The following DHRSX variants were observed in gnomAD, a reference collection of about 807,000 sequenced individuals.
DHRSX encodes dehydrogenase/reductase X-linked.
A neutral mutation model predicts 34.0 loss-of-function variants in DHRSX; 31 were observed. That is an observed-to-expected ratio of 0.91 (90% CI 0.69 to 1.23). The LOEUF (loss-of-function observed/expected upper bound fraction) is 1.23, where lower values mean the gene tolerates loss of function less well. Among genes scored for constraint, DHRSX ranks in the 50% most tolerant of loss-of-function variants. DHRSX has a pLI of 0.00. For synonymous variants in DHRSX, 201 were observed against 183.8 expected (o/e 1.09, Z -0.76); for missense variants, 414 against 428.1 (o/e 0.97, Z 0.29).
chrX:2,260,074 CTCCGGGCA>C, intron 5 of DHRSX, among the ~76,000 whole-genome samples: 1 of 151,714 alleles, frequency 6.6e-6, no homozygotes, highest in Middle Eastern at 3.4e-3. Flanking sequence ...CTCCTGGGGG[CTCCGGGCA>C]TCCCTGACCC....
intron 1 of DHRSX, among the ~76,000 whole-genome samples, chrX:2,461,519 CA>C (rs1391309767): frequency 2.0e-5 from 3 of 152,186 alleles, no homozygotes; most frequent in Non-Finnish European, 4.4e-5. Context: ...AGAACAAGCA[CA>C]ACTTCTGCTT....
At chrX:2,492,701 T>C (rs2045184152) in intron 1 of DHRSX, among the ~76,000 whole-genome samples, 1 of 140,748 alleles carries the variant, frequency 7.1e-6, no homozygotes, top group Admixed American at 7.1e-5. Flanking sequence ...ATGATGTGGC[T>C]GGCCTGAAGC....
intron 1 of DHRSX, among the ~76,000 whole-genome samples, chrX:2,453,732 A>C (rs1349061986): frequency 6.6e-6 from 1 of 151,970 alleles, no homozygotes; most frequent in Non-Finnish European, 1.5e-5. Context: ...AAATTCCAAG[A>C]TCTATCACAC....
intron 5 of DHRSX, among the ~76,000 whole-genome samples, chrX:2,259,479 G>A (rs1351449927): frequency 1.3e-5 from 2 of 151,464 alleles, no homozygotes; most frequent in African/African-American, 4.8e-5. Context: ...TGTTAGAGCC[G>A]GCTCTGAGCT....
intron 1 of DHRSX, among the ~76,000 whole-genome samples, chrX:2,469,812 A>G (rs1401645567): frequency 2.0e-5 from 3 of 152,214 alleles, no homozygotes; most frequent in Non-Finnish European, 4.4e-5. Flanking sequence ...CACCTTGTAC[A>G]TAGTGAAGAC....
intron 3 of DHRSX, among the ~76,000 whole-genome samples, chrX:2,336,002 T>C (rs2042555636): frequency 6.6e-6 from 1 of 151,870 alleles, no homozygotes; most frequent in Non-Finnish European, 1.5e-5. Flanking sequence ...CATGCTTTTG[T>C]TTTTGTTTTT....
intron 1 of DHRSX, among the ~76,000 whole-genome samples, chrX:2,464,000 G>A (rs1333074067): frequency 6.6e-6 from 1 of 152,050 alleles, no homozygotes; most frequent in East Asian, 1.9e-4. Flanking sequence ...GAAGACATTC[G>A]CTAAGAATAT....
At chrX:2,479,177 T>C (rs2044730039) in intron 1 of DHRSX, among the ~76,000 whole-genome samples, 1 of 151,328 alleles carries the variant, frequency 6.6e-6, no homozygotes, top group Non-Finnish European at 1.5e-5. Flanking sequence ...CTGAAGACGT[T>C]CCCTAAGCAT....
At chrX:2,371,224 T>C (rs984196066) in intron 3 of DHRSX, among the ~76,000 whole-genome samples, 3 of 122,432 alleles carry the variant, frequency 2.5e-5, no homozygotes, top group African/African-American at 5.4e-5. Flanking sequence ...CCCGTTACCG[T>C]AGTCCCTCCC....
chrX:2,233,258 C>T (rs1405864185), intron 6 of DHRSX, among the ~76,000 whole-genome samples: 1 of 152,086 alleles, frequency 6.6e-6, no homozygotes, highest in Non-Finnish European at 1.5e-5. Flanking sequence ...ATGAAGTGGG[C>T]TTGCTTGGTG....
chrX:2,493,897 G>A (rs2045220181), intron 1 of DHRSX, among the ~76,000 whole-genome samples: 1 of 152,150 alleles, frequency 6.6e-6, no homozygotes, highest in Admixed American at 6.5e-5. Flanking sequence ...GTTTGAACCC[G>A]GGAAGCAGAG....
At chrX:2,298,614 A>ACG (rs1556457248) in intron 3 of DHRSX, among the ~76,000 whole-genome samples, 7 of 82,996 alleles carry the variant, frequency 8.4e-5, no homozygotes, top group African/African-American at 2.0e-4. Flanking sequence ...ACACACACAC[A>ACG]CACACACACA....
intron 1 of DHRSX, among the ~76,000 whole-genome samples, chrX:2,452,658 G>C (rs2044240887): frequency 6.6e-6 from 1 of 151,262 alleles, no homozygotes. Flanking sequence ...CTGTGTACGC[G>C]CGGAAGACAT....
intron 4 of DHRSX, among the ~76,000 whole-genome samples, chrX:2,276,484 A>G (rs1415655864): frequency 1.3e-5 from 2 of 152,172 alleles, no homozygotes; most frequent in East Asian, 3.9e-4. Flanking sequence ...TGGAAAATAA[A>G]CAGTAAAATT....
At chrX:2,346,068 G>C (rs1436659873) in intron 3 of DHRSX, among the ~76,000 whole-genome samples, 1 of 152,124 alleles carries the variant, frequency 6.6e-6, no homozygotes, top group Admixed American at 6.6e-5. Flanking sequence ...TTAGGTGAAC[G>C]CCAAGGAGGA....
chrX:2,396,263 C>G (rs1438684704), intron 3 of DHRSX, among the ~76,000 whole-genome samples: 2 of 152,092 alleles, frequency 1.3e-5, no homozygotes, highest in East Asian at 1.9e-4. Context: ...TGCAAAGACC[C>G]TATTTCCAAA....
At chrX:2,462,477 G>T (rs2044416624) in intron 1 of DHRSX, among the ~76,000 whole-genome samples, 2 of 152,060 alleles carry the variant, frequency 1.3e-5, no homozygotes, top group Admixed American at 6.6e-5. Flanking sequence ...GGAGGTTGCA[G>T]CGAGCCAAGA....
At chrX:2,377,609 C>G (rs1176465932) in intron 3 of DHRSX, among the ~76,000 whole-genome samples, 1 of 152,132 alleles carries the variant, frequency 6.6e-6, no homozygotes, top group East Asian at 1.9e-4. Flanking sequence ...AAGAAACAAC[C>G]AGGATTGCTA....
chrX:2,294,798 A>G (rs2041911971), intron 3 of DHRSX, among the ~76,000 whole-genome samples: 1 of 125,838 alleles, frequency 7.9e-6, no homozygotes, highest in Non-Finnish European at 1.9e-5. Context: ...AGAGAGGGAG[A>G]GAGAGAGAGG....
Sources: allele counts gnomAD v4.1 joint callset (sites outside exome capture counted in the v4.1 genomes callset), GRCh38; gene constraint gnomAD v4.1.1; transcripts MANE v1.5; gene names NCBI Gene and HGNC (gene_info 2026-07-23, HGNC 2026-07-21).